The following ZZEF1 variants were observed in gnomAD, a reference collection of about 807,000 sequenced individuals.
ZZEF1 encodes zinc finger ZZ-type and EF-hand domain containing 1.
In ZZEF1, 157 loss-of-function variants were observed where a neutral mutation model predicts 342.8. The ratio of observed to expected loss-of-function variants is 0.46; its 90% confidence interval spans 0.40 to 0.52. The LOEUF (loss-of-function observed/expected upper bound fraction) is 0.52. ZZEF1 is among the 20% of genes least tolerant of loss of function. The probability of loss-of-function intolerance (pLI) is 0.00; values close to 1 mark genes in which losing one functional copy is unlikely to be tolerated. For synonymous variants in ZZEF1, 1,505 were observed against 1,429.1 expected (o/e 1.05, Z -1.20); for missense variants, 3,480 against 3,725.6 (o/e 0.93, Z 1.72).
chr17:4,119,851 T>C (rs1253884598), intron 2 of ZZEF1, among the ~76,000 whole-genome samples: 2 of 151,192 alleles, frequency 1.3e-5, no homozygotes, highest in African/African-American at 4.8e-5. Context: ...GTATCATGTA[T>C]AGAGTCACTA....
rs1314889345 is a variant in ZZEF1, at chr17:4,036,815, ACACTCTCTCTCT to A, written c.6307-2535_6307-2524del. Reference sequence around the variant, plus strand: ...CACACACACACACACACACACACACACACTCTCTCTCTCTCTCTCTCTCTCTCTCCCCGCACC... The same window carrying A: ...CACACACACACACACACACACACACACTCTCTCTCTCTCTCTCCCCGCACC... On this transcript the variant is annotated intron_variant, in intron 39 of 54. Transcript: ENST00000381638. 4.2e-4 allele frequency among the ~76,000 whole-genome samples: 33 copies of A among 78,732 alleles called. No homozygotes were observed. The South Asian group carries it at 6.0e-3, about 14-fold the overall frequency. The allele number at this position is 78,732 out of a possible 152,430, so 51.7% of individuals were successfully genotyped here.
At chr17:4,093,860 T>G (rs1357475614) in intron 11 of ZZEF1, among the ~76,000 whole-genome samples, 6 of 152,186 alleles carry the variant, frequency 3.9e-5, no homozygotes, top group African/African-American at 1.4e-4. Context: ...GGAGGTAACC[T>G]TATCCAAGGG....
rs751832698 is a variant in ZZEF1, at chr17:4,070,888, G to C, written c.3871C>G (p.Leu1291Val). 5.3e-5 allele frequency: 86 copies of C among 1,613,874 alleles called. No individual in the cohort carries two copies. The highest frequency in any genetic ancestry group is 7.1e-5 in the Non-Finnish European group (84 of 1,179,990). Reference protein sequence around the residue: ...NIPDDPCRHFLLDFAQSEPAQ... With the variant: ...NIPDDPCRHFVLDFAQSEPAQ... ...GGCTCTGACTGGGCAAAATCAAGAA[G>C]AAAATGGCGGCAGGGGTCGTCAGGA... Residue 1291 changes from leucine to valine, a missense_variant, in exon 26 of 55, where the codon CTT becomes GTT. Leu to Val is a conservative substitution (Grantham distance 32, BLOSUM62 1). Transcript: ENST00000381638.
rs1288249843 is a variant in ZZEF1, at chr17:4,017,477, C to T, written c.7895G>A (p.Ser2632Asn). 1 of 1,614,252 alleles carries T rather than the reference C, an allele frequency of 6.2e-7. No individual in the cohort carries two copies. Among genetic ancestry groups the T allele is most frequent in the Admixed American group, 1.7e-5 (1 of 60,026 alleles). Reference protein sequence around the residue: ...VLASLLAEWPSHVPVSEDILE... With the variant: ...VLASLLAEWPNHVPVSEDILE... ...GATGTCCTCGCTCACTGGCACGTGG[C>T]TAGGCCACTCGGCGAGCAGGGATGC... The change falls in exon 48 of 55, where the codon AGC becomes AAC. Residue 2632 changes from serine to asparagine, a missense_variant. Ser to Asn is a conservative substitution (Grantham distance 46, BLOSUM62 1). Coordinates refer to ENST00000381638, the MANE Select transcript of ZZEF1 (RefSeq NM_015113.4). This position sits in a 1 kb window ranked among gnomAD's most constrained non-coding sequence, Gnocchi z 5.1.
chr17:4,030,629 G>A (rs993701527), intron 42 of ZZEF1, among the ~76,000 whole-genome samples: 1 of 152,138 alleles, frequency 6.6e-6, no homozygotes, highest in Admixed American at 6.6e-5. Context: ...CAGCCTCCCA[G>A]GTAGCTGGGA....
At chr17:4,142,425 G>C in intron 1 of ZZEF1, 117 bp downstream of exon 1, 1 of 1,103,718 alleles carries the variant, frequency 9.1e-7, no homozygotes, top group Non-Finnish European at 1.3e-6. Flanking sequence ...GTGAAAAGCT[G>C]GAAACACCTC....
Position 4,087,485 on chromosome 17 carries a change from G to A in ZZEF1, c.2291C>T (p.Ala764Val), listed in dbSNP as rs143797278. Residue 764 changes from alanine to valine, a missense_variant, in exon 14 of 55, where the codon GCG (alanine) becomes GTG (valine). By Grantham distance (64) the Ala-to-Val change is moderately conservative. This residue lies in a region of ZZEF1 where 1,528 missense variants were observed against 1,624.1 expected (regional missense o/e 0.94). Transcript: ENST00000381638. ...GLKYKSFLDF[A>V]GLDLQIFWNF... ...CCAGAAGATCTGCAAATCAAGACCC[G>A]CGAAGTCCAGAAAAGATTTATATTT... is the stretch of plus-strand genomic sequence containing the variant. The A allele has an allele frequency of 1.4e-5, 23 of 1,610,964 alleles. No homozygotes were observed. The highest frequency in any genetic ancestry group is 1.6e-4 in the Middle Eastern group (1 of 6,072).
In ZZEF1 at chr17:4,006,796, A is replaced by G. The variant is rs1404716696; in HGVS notation, c.*94T>C. 2.1e-5 allele frequency: 28 copies of G among 1,344,976 alleles called. No homozygotes were observed. Among genetic ancestry groups the G allele is most frequent in the South Asian group, 6.3e-5 (5 of 79,718 alleles). The allele number at this position is 1,344,976 out of a possible 1,614,324, so 83.3% of individuals were successfully genotyped here. ...GTGGTCAGCTCAAGGAGAGCTGGGC[A>G]CTGGCGCTACAGGAGTTTTCCTGAA... On this transcript the variant is annotated 3_prime_UTR_variant, in exon 55 of 55. Coordinates refer to ENST00000381638, the MANE Select transcript of ZZEF1 (RefSeq NM_015113.4).
intron 12 of ZZEF1, among the ~76,000 whole-genome samples, chr17:4,089,437 C>A (rs1351434825): frequency 2.6e-5 from 4 of 152,256 alleles, no homozygotes; most frequent in Non-Finnish European, 5.9e-5. Context: ...ATTTACCGAG[C>A]ACCTACTATT....
intron 52 of ZZEF1, among the ~76,000 whole-genome samples, chr17:4,012,754 T>C (rs2055997293): frequency 6.6e-6 from 1 of 152,184 alleles, no homozygotes; most frequent in Admixed American, 6.5e-5. Flanking sequence ...TCTGCATATA[T>C]AGTCTTAGAA....
intron 42 of ZZEF1, among the ~76,000 whole-genome samples, chr17:4,030,027 T>TAAAA (rs66993338): frequency 3.1e-5 from 4 of 130,910 alleles, no homozygotes; most frequent in African/African-American, 8.2e-5. Context: ...GAGATCCTAT[T>TAAAA]AAAAAAAAAA....
chr17:4,058,439 C>T (rs960826885), intron 31 of ZZEF1, among the ~76,000 whole-genome samples: 7 of 152,196 alleles, frequency 4.6e-5, no homozygotes, highest in African/African-American at 1.7e-4. Flanking sequence ...TGATAAACTG[C>T]AAGATCAGGG....
chr17:4,117,228 G>C, intron 2 of ZZEF1, 62 bp from the exon 3 acceptor site: 1 of 1,343,420 alleles, frequency 7.4e-7, no homozygotes, highest in Non-Finnish European at 1.0e-6. Flanking sequence ...CACATCCCCT[G>C]CCTGGTGGCC....
At chr17:4,007,109 T>C in intron 54 of ZZEF1, 139 bp from the exon 55 acceptor site, 1 of 716,842 alleles carries the variant, frequency 1.4e-6, no homozygotes, top group Non-Finnish European at 2.3e-6. Context: ...CCCACAGGCC[T>C]GCAGAGTGGA....
In ZZEF1 at chr17:4,014,396, T is replaced by C; in HGVS notation, c.8265A>G (p.Arg2755=). 6.2e-7 allele frequency: 1 copy of C among 1,614,234 alleles called. No homozygotes were observed. Among genetic ancestry groups the C allele is most frequent in the Non-Finnish European group, 8.5e-7 (1 of 1,180,038 alleles). Residue 2755 remains arginine (R), a synonymous_variant, in exon 50 of 55, where the codon CGA becomes CGG. Transcript: ENST00000381638. This position sits in a 1 kb window ranked among gnomAD's most constrained non-coding sequence, Gnocchi z 4.4. ...MSSSSDFQQD[R]HSFSGSQQKW... ...TCTGCTGAGACCCGCTGAAGCTGTG[T>C]CGGTCTTGCTGGAAGTCACTGCTGC... is the stretch of plus-strand genomic sequence containing the variant.
chr17:4,042,202 G>T (rs1432227960), intron 39 of ZZEF1, among the ~76,000 whole-genome samples: 1 of 151,576 alleles, frequency 6.6e-6, no homozygotes. Flanking sequence ...AAATAAAAAG[G>T]TAGAAAAAAA....
chr17:4,094,780 C>T (rs2058004450), intron 11 of ZZEF1, among the ~76,000 whole-genome samples: 1 of 152,164 alleles, frequency 6.6e-6, no homozygotes, highest in Non-Finnish European at 1.5e-5. Context: ...CTTCTCCCTC[C>T]TAGTGGTCTC....
chr17:4,090,822 C>T lies in ZZEF1; in HGVS notation c.1922G>A (p.Cys641Tyr). Residue 641 changes from cysteine (C) to tyrosine (Y), a missense_variant, in exon 12 of 55, where the codon TGC becomes TAC. Transcript: ENST00000381638. ...ATCCTCTCCAAGGTCATCAGATGAG[C>T]AACCAATCCTGTAAAGACAAGAGTA... ...LRQFVKSRIG[C>Y]SSDDLGEDDP... 1 of 1,613,432 alleles carries T rather than the reference C, an allele frequency of 6.2e-7. No individual in the cohort carries two copies. Among genetic ancestry groups the T allele is most frequent in the Non-Finnish European group, 8.5e-7 (1 of 1,179,482 alleles).
At chr17:4,084,144 T>A (rs2057776774) in intron 16 of ZZEF1, among the ~76,000 whole-genome samples, 1 of 152,224 alleles carries the variant, frequency 6.6e-6, no homozygotes, top group Admixed American at 6.5e-5. Context: ...CTTCTAGTGA[T>A]CCATCAAATA....
Sources: allele counts gnomAD v4.1 joint callset (sites outside exome capture counted in the v4.1 genomes callset), GRCh38; gene constraint gnomAD v4.1.1; regional missense constraint gnomAD v4.1.1; non-coding constraint Gnocchi (gnomAD v3.1); transcripts MANE v1.5; gene names NCBI Gene and HGNC (gene_info 2026-07-23, HGNC 2026-07-21).